Variants in ANXA8 observed in about 807,000 individuals in gnomAD.
ANXA8 encodes VAC-beta.
ANXA8 carries 9 observed loss-of-function variants against 26.8 expected under a neutral mutation model. The observed-to-expected ratio is 0.34, with a 90% CI of 0.20 to 0.59. The LOEUF (loss-of-function observed/expected upper bound fraction) is 0.59, where lower values mean the gene tolerates loss of function less well. Ranked by LOEUF, ANXA8 falls within the 20% of genes least tolerant of loss-of-function variation. ANXA8 has a pLI of 0.84. For synonymous variants in ANXA8, 39 were observed against 94.8 expected, an observed-to-expected ratio of 0.41 and a Z score of 3.42; for missense variants, 83 against 238.5, an observed-to-expected ratio of 0.35 and a Z score of 4.29.
At chr10:47,672,641 G>A in the ANXA8 span, among the ~76,000 whole-genome samples, 1 of 151,884 alleles carries the variant, frequency 6.6e-6, no homozygotes, top group African/African-American at 2.4e-5. Context: ...ATGGAAATGA[G>A]GACAATGGAA....
chr10:47,740,871 G>A, the ANXA8 span, among the ~76,000 whole-genome samples: 1 of 148,156 alleles, frequency 6.7e-6, no homozygotes, highest in Non-Finnish European at 1.5e-5. Flanking sequence ...AAATAGCTAG[G>A]ACTGAGATTG....
chr10:47,945,015 T>G, the ANXA8 span, among the ~76,000 whole-genome samples: 1 of 150,382 alleles, frequency 6.6e-6, no homozygotes, highest in Non-Finnish European at 1.5e-5. Flanking sequence ...CTGCCTGGAA[T>G]GTACTCCACC....
the ANXA8 span, among the ~76,000 whole-genome samples, chr10:47,605,686 A>G: frequency 2.0e-5 from 3 of 150,352 alleles, no homozygotes; most frequent in Non-Finnish European, 2.9e-5. Context: ...ACAATAAAAA[A>G]TAAAGTTGAT....
chr10:47,676,915 T>A, the ANXA8 span, among the ~76,000 whole-genome samples: 1 of 145,040 alleles, frequency 6.9e-6, no homozygotes, highest in Non-Finnish European at 1.5e-5. Context: ...CGAGACTCAG[T>A]CTCAAAAACA....
the ANXA8 span, among the ~76,000 whole-genome samples, chr10:47,566,316 C>T: frequency 6.6e-6 from 1 of 150,612 alleles, no homozygotes; most frequent in African/African-American, 2.4e-5. Context: ...TGATCCCCCG[C>T]CCCAGAAAAC....
the ANXA8 span, among the ~76,000 whole-genome samples, chr10:47,984,917 A>T: frequency 8.4e-6 from 1 of 119,662 alleles, no homozygotes; most frequent in Admixed American, 8.8e-5. Context: ...GGAGTTGAGG[A>T]TGAGTTCATA....
the ANXA8 span, among the ~76,000 whole-genome samples, chr10:47,567,652 G>A: frequency 9.4e-3 from 1,432 of 151,650 alleles, 25 homozygotes; most frequent in Non-Finnish European, 0.011. Context: ...AAGAAAATAA[G>A]CTATCATTGT....
the ANXA8 span, among the ~76,000 whole-genome samples, chr10:47,660,808 C>CAA: frequency 5.4e-3 from 328 of 60,950 alleles, 6 homozygotes; most frequent in African/African-American, 0.016. Context: ...CACTGACTGT[C>CAA]AAAAAAAAAA....
At chr10:47,703,270 A>G in the ANXA8 span, among the ~76,000 whole-genome samples, 1 of 151,758 alleles carries the variant, frequency 6.6e-6, no homozygotes, top group Admixed American at 6.6e-5. Flanking sequence ...AAAAGAAAAA[A>G]AAATAGAGAA....
chr10:47,700,090 A>G, the ANXA8 span, among the ~76,000 whole-genome samples: 2 of 151,986 alleles, frequency 1.3e-5, no homozygotes, highest in African/African-American at 4.8e-5. Flanking sequence ...TCCTAAGTTA[A>G]TATGTAAATT....
chr10:47,554,742 C>T, the ANXA8 span, among the ~76,000 whole-genome samples: 1 of 152,142 alleles, frequency 6.6e-6, no homozygotes, highest in Admixed American at 6.5e-5. Context: ...TTATCACCCC[C>T]AGCAGCCCCC....
the ANXA8 span, among the ~76,000 whole-genome samples, chr10:47,977,601 G>A: frequency 6.6e-6 from 1 of 151,406 alleles, no homozygotes; most frequent in Non-Finnish European, 1.5e-5. Flanking sequence ...ACCAAATACA[G>A]CATATCAATA....
the ANXA8 span, among the ~76,000 whole-genome samples, chr10:47,674,059 C>G: frequency 9.2e-5 from 14 of 151,722 alleles, no homozygotes; most frequent in East Asian, 2.7e-3. Flanking sequence ...CTATTGATAT[C>G]TGTTTGGTAT....
chr10:47,613,753 T>G, the ANXA8 span, among the ~76,000 whole-genome samples: 5 of 78,438 alleles, frequency 6.4e-5, no homozygotes, highest in Admixed American at 5.4e-4. Flanking sequence ...GCTCCACTAC[T>G]CAGATCATCA....
the ANXA8 span, among the ~76,000 whole-genome samples, chr10:47,937,413 A>G: frequency 2.7e-5 from 4 of 149,632 alleles, no homozygotes; most frequent in African/African-American, 9.7e-5. Context: ...TTAAAAGTTA[A>G]TTTAAGTTTT....
chr10:47,474,748 C>T (rs1453128082), intron 7 of ANXA8, among the ~76,000 whole-genome samples, 197 bp downstream of exon 7: 1 of 99,688 alleles, frequency 1.0e-5, no homozygotes, highest in Non-Finnish European at 2.0e-5. Flanking sequence ...AGTGCTCCCC[C>T]ACCCCCAAGT....
chr10:47,702,119 G>A, the ANXA8 span, among the ~76,000 whole-genome samples: 3 of 149,460 alleles, frequency 2.0e-5, no homozygotes, highest in African/African-American at 4.9e-5. Flanking sequence ...ATAAACAAGG[G>A]AAGGTTAAAA....
At chr10:47,682,469 C>CTTTTTTTTTTTTTTTTTTTT in the ANXA8 span, among the ~76,000 whole-genome samples, 4 of 121,652 alleles carry the variant, frequency 3.3e-5, no homozygotes, top group Admixed American at 1.6e-4. Context: ...CTTTCTTTTT[C>CTTTTTTTTTTTTTTTTTTTT]TTTTTTTTTT....
At chr10:47,627,016 G>C in the ANXA8 span, among the ~76,000 whole-genome samples, 5 of 149,212 alleles carry the variant, frequency 3.4e-5, no homozygotes, top group Non-Finnish European at 5.9e-5. Context: ...AGGTTCTAAG[G>C]TTCTTGCTGG....
Sources: allele counts gnomAD v4.1 joint callset (sites outside exome capture counted in the v4.1 genomes callset), GRCh38; gene constraint gnomAD v4.1.1; transcripts MANE v1.5; gene names NCBI Gene and HGNC (gene_info 2026-07-23, HGNC 2026-07-21).